SPART: variants seen among roughly 807,000 people sequenced by gnomAD.
The protein encoded by SPART is spastic paraplegia 20 (Troyer syndrome).
A neutral mutation model predicts 58.7 loss-of-function variants in SPART; 35 were observed. The ratio of observed to expected loss-of-function variants is 0.60; its 90% confidence interval spans 0.46 to 0.79. The LOEUF (loss-of-function observed/expected upper bound fraction) is 0.79, where lower values mean the gene tolerates loss of function less well. Ranked by LOEUF, SPART falls within the 30% of genes least tolerant of loss-of-function variation. The pLI, the probability that SPART is intolerant of heterozygous loss-of-function variation, is 0.00. For missense variants in SPART, 730 were observed against 786.1 expected (o/e 0.93, Z 0.85); for synonymous variants, 284 against 280.7 (o/e 1.01, Z -0.12).
At chr13:36,358,762 C>A (rs970590027) in intron 1 of SPART, among the ~76,000 whole-genome samples, 1 of 152,124 alleles carries the variant, frequency 6.6e-6, no homozygotes, top group African/African-American at 2.4e-5. Context: ...CTAAGAAAAT[C>A]GTATTTTAAG....
In SPART at chr13:36,329,388, G is replaced by A. The variant is rs746802252; in HGVS notation, c.1138C>T (p.Arg380Cys). 1.5e-5 allele frequency: 25 copies of A among 1,613,886 alleles called. No homozygotes were observed. In the African/African-American group the frequency reaches 2.0e-4, roughly 13 times the overall value. The change falls in exon 4 of 9, where the codon CGT becomes TGT. Residue 380 changes from arginine (R) to cysteine (C), a missense_variant. Physicochemically the swap from Arg to Cys is radical, Grantham distance 180 (BLOSUM62 -3). Transcript: ENST00000438666. The part of the protein sequence containing the change: ...KQLDQGNKDV[R>C]HKGKRGKRAK... ...CTTTTTCCACGTTTTCCTTTATGAC[G>A]TACATCCTTATTGCCTTGGTCCAAC...
At chr13:36,318,010 C>T (rs1032629230) in intron 5 of SPART, among the ~76,000 whole-genome samples, 10 of 152,042 alleles carry the variant, frequency 6.6e-5, no homozygotes, top group African/African-American at 2.4e-4. Flanking sequence ...CGTCCCAAAT[C>T]TTCCTTCTTT....
chr13:36,321,616 C>T (rs1400285759), intron 5 of SPART, among the ~76,000 whole-genome samples: 9 of 151,494 alleles, frequency 5.9e-5, no homozygotes, highest in Non-Finnish European at 7.4e-5. Context: ...CCCCTAATCC[C>T]GCTTGAAGCA....
At chr13:36,334,239 C>T (rs150650625) in intron 2 of SPART, among the ~76,000 whole-genome samples, 3 of 152,304 alleles carry the variant, frequency 2.0e-5, no homozygotes, top group Non-Finnish European at 4.4e-5. Context: ...CACTGGACCA[C>T]TCTCTTCAGA....
At chr13:36,352,658 A>G (rs771317287) in intron 1 of SPART, among the ~76,000 whole-genome samples, 4 of 152,146 alleles carry the variant, frequency 2.6e-5, no homozygotes, top group Non-Finnish European at 5.9e-5. Context: ...GTGAAAACTG[A>G]GAAGAGGCCA....
chr13:36,365,934 G>A lies in SPART; in HGVS notation c.-3+4155C>T, dbSNP rs114966776. ...TTCAACCCTCAAAATGTCTTTACAC[G>A]TCCCACAGCCACCACCGCTCTGTCA... On this transcript the variant is annotated intron_variant, in intron 1 of 8. Transcript: ENST00000355182. The A allele has an allele frequency of 4.3e-3, 804 of 188,986 alleles. 5 individuals carry two copies. Among genetic ancestry groups the A allele is most frequent in the African/African-American group, 0.018 (757 of 41,788 alleles). 11.7% of individuals were successfully genotyped at this position (188,986 alleles called of 1,614,324 possible).
chr13:36,325,881 C>T (rs1882879072), intron 5 of SPART: 1 of 152,310 alleles, frequency 6.6e-6, no homozygotes, highest in Non-Finnish European at 1.5e-5. Context: ...GTATCTGAGT[C>T]CATTTGTGCT....
At chr13:36,320,983 T>C (rs1191119808) in intron 5 of SPART, among the ~76,000 whole-genome samples, 3 of 152,126 alleles carry the variant, frequency 2.0e-5, no homozygotes, top group Non-Finnish European at 4.4e-5. Flanking sequence ...AAAACACACC[T>C]CACCAAGCTC....
chr13:36,341,602 T>C (rs756872472), intron 1 of SPART, among the ~76,000 whole-genome samples: 17 of 152,166 alleles, frequency 1.1e-4, no homozygotes, highest in Non-Finnish European at 2.4e-4. Context: ...AAACTTACGA[T>C]AGAAGAATTT....
In SPART at chr13:36,335,638, C is replaced by G; in HGVS notation, c.193G>C (p.Glu65Gln). ...RGISISSKES[E>Q]HTGPGWESAR... The stretch of plus-strand genomic sequence containing the variant: ...GATTCCCACCCAGGACCTGTGTGTT[C>G]AGACTCTTTTGATGAAATGCTGATC... Residue 65 changes from glutamate (E) to glutamine (Q), a missense_variant, in exon 2 of 9, where the codon GAA becomes CAA. Coordinates refer to ENST00000438666, the MANE Select transcript of SPART (RefSeq NM_015087.5). 1 of 1,614,064 alleles carries G rather than the reference C, an allele frequency of 6.2e-7. No individual in the cohort carries two copies. The highest frequency in any genetic ancestry group is 1.3e-5 in the African/African-American group (1 of 75,046).
At chr13:36,339,485 T>G (rs1296281555) in intron 1 of SPART, among the ~76,000 whole-genome samples, 6 of 151,256 alleles carry the variant, frequency 4.0e-5, no homozygotes, top group African/African-American at 1.5e-4. Context: ...CAAAAAAATT[T>G]CCAGGGCATC....
At position 36,302,934 on chromosome 13, in the gene SPART, A is replaced by G. The variant is rs1456549314; in HGVS notation, c.*1431T>C. The G allele has an allele frequency of 2.0e-5, 3 of 152,020 alleles. No homozygotes were observed. The highest frequency in any genetic ancestry group is 6.6e-5 in the Admixed American group (1 of 15,250). The allele number at this position is 152,020 out of a possible 1,614,324, so 9.4% of individuals were successfully genotyped here. ...CATCATTCTACTCTCTATCTCCTTAAGTTTGATTATTGTAATTTTTAGCTC... is the reference window on the plus strand; with the variant it reads ...CATCATTCTACTCTCTATCTCCTTAGGTTTGATTATTGTAATTTTTAGCTC... On this transcript the variant is annotated 3_prime_UTR_variant, in exon 9 of 9. Coordinates refer to ENST00000438666, the MANE Select transcript of SPART (RefSeq NM_015087.5).
At chr13:36,350,644 C>A (rs548274762), upstream of SPART, among the ~76,000 whole-genome samples, 13 of 152,018 alleles carry the variant, frequency 8.6e-5, no homozygotes, top group Non-Finnish European at 1.5e-4. Context: ...CTTACCAGAT[C>A]CTTCTAAAAA....
Position 36,303,914 on chromosome 13 carries a change from C to T in SPART, c.*451G>A, listed in dbSNP as rs1054149. ...AATTTTGAGAAGCATCTAAAAAAAT[C>T]CACAATTAGTGCAAAAAGAGGGGAC... On this transcript the variant is annotated 3_prime_UTR_variant, in exon 9 of 9. Transcript: ENST00000438666. 1,895 of 158,912 alleles carry T rather than the reference C, an allele frequency of 0.012. 39 individuals carry two copies. Among genetic ancestry groups the T allele is most frequent in the African/African-American group, 0.043 (1,795 of 41,532 alleles). 9.8% of individuals were successfully genotyped at this position (158,912 alleles called of 1,614,324 possible). A position where few individuals can be genotyped will look rare whatever the true frequency, so the allele number is the denominator to read the frequency against.
chr13:36,336,680 T>G (rs1884040633), intron 1 of SPART, among the ~76,000 whole-genome samples: 1 of 152,188 alleles, frequency 6.6e-6, no homozygotes, highest in Non-Finnish European at 1.5e-5. Flanking sequence ...CAATTCCACT[T>G]GCAGGTATAT....
chr13:36,309,929 A>G (rs1880919779), intron 8 of SPART, among the ~76,000 whole-genome samples: 1 of 152,160 alleles, frequency 6.6e-6, no homozygotes, highest in African/African-American at 2.4e-5. Flanking sequence ...CCTACTTCCT[A>G]TCTTAAAACA....
chr13:36,312,493 A>G lies in SPART; in HGVS notation c.1484-16T>C, dbSNP rs1266964056. 2 of 1,613,576 alleles carry G rather than the reference A, an allele frequency of 1.2e-6. No homozygotes were observed. The highest frequency in any genetic ancestry group is 1.7e-5 in the Admixed American group (1 of 59,976). On this transcript the variant is annotated splice_polypyrimidine_tract_variant and intron_variant, in intron 6 of 8. Coordinates refer to ENST00000438666, the MANE Select transcript of SPART (RefSeq NM_015087.5). The stretch of plus-strand genomic sequence containing the variant: ...ACTCCATCAACTAATATGACCATAA[A>G]AAAAGAAAACTTAGGAAAAATATAT...
intron 7 of SPART, 25 bp from the exon 8 acceptor site, chr13:36,312,260 T>C (rs775854882): frequency 3.1e-6 from 5 of 1,613,856 alleles, no homozygotes; most frequent in African/African-American, 2.7e-5. Context: ...TTTAAAACGA[T>C]GTAAATCTAG....
chr13:36,336,629 G>A (rs1443255993), intron 1 of SPART, among the ~76,000 whole-genome samples: 6 of 152,060 alleles, frequency 3.9e-5, no homozygotes, highest in African/African-American at 7.3e-5. Flanking sequence ...TTGGAAAACC[G>A]GCAGTTTCTA....
Sources: gnomAD v4.1 joint callset for allele counts (sites outside exome capture counted in the v4.1 genomes callset) on GRCh38, gnomAD v4.1.1 for gene constraint, MANE v1.5 for transcripts, NCBI Gene and HGNC (gene_info 2026-07-23, HGNC 2026-07-21) for gene names.